Variants in SAP130 observed in about 807,000 individuals in gnomAD.
The protein encoded by SAP130 is histone deacetylase complex subunit SAP130.
Under a neutral mutation model 103.2 loss-of-function variants are expected in SAP130, and 16 were observed. The ratio of observed to expected loss-of-function variants is 0.16; its 90% confidence interval spans 0.10 to 0.24. The LOEUF is 0.24. Ranked by LOEUF, SAP130 falls within the 10% of genes least tolerant of loss-of-function variation. The pLI is 1.00. For synonymous variants in SAP130, 477 were observed against 497.0 expected (o/e 0.96, Z 0.53); for missense variants, 990 against 1,359.7 (o/e 0.73, Z 4.28).
At chr2:127,943,322 G>C (rs1358961677) in intron 19 of SAP130, among the ~76,000 whole-genome samples, 3 of 152,214 alleles carry the variant, frequency 2.0e-5, no homozygotes, top group Non-Finnish European at 4.4e-5. Flanking sequence ...TAGGGTTATA[G>C]AAATGGCCAA....
chr2:128,006,078 G>A (rs1270232105), intron 7 of SAP130, among the ~76,000 whole-genome samples: 1 of 150,996 alleles, frequency 6.6e-6, no homozygotes, highest in Admixed American at 6.6e-5. Context: ...TAAGGCCTTT[G>A]TAAGCGGTTA....
intron 15 of SAP130, among the ~76,000 whole-genome samples, chr2:127,970,490 G>A (rs1005225266): frequency 4.2e-5 from 6 of 144,062 alleles, no homozygotes; most frequent in Admixed American, 1.4e-4. Context: ...GCAGTGAGCC[G>A]AGATCGTACC....
rs754662337 is a variant in SAP130 at position 127,986,939 on chromosome 2, T to C, written c.1804A>G (p.Thr602Ala). ...TTGCTAATAGGGTTGGCCACAATTG[T>C]GGCTCCATCTGCCAACACCACTGCT... ...TSAVVLADGA[T>A]IVANPISNPF... The change falls in exon 14 of 21, where the codon ACA (threonine) becomes GCA (alanine). Residue 602 changes from threonine to alanine, a missense_variant. By Grantham distance (58) the Thr-to-Ala change is moderately conservative. Transcript: ENST00000643581. This position sits in a 1 kb window ranked among gnomAD's most constrained non-coding sequence, Gnocchi z 4.7. The C allele has an allele frequency of 2.5e-6, 4 of 1,613,388 alleles. No individual in the cohort carries two copies. Among genetic ancestry groups the C allele is most frequent in the African/African-American group, 2.7e-5 (2 of 74,894 alleles).
intron 14 of SAP130, among the ~76,000 whole-genome samples, chr2:127,982,170 CAAAA>C (rs561436701): frequency 1.4e-5 from 2 of 140,180 alleles, no homozygotes; most frequent in Non-Finnish European, 3.1e-5. Flanking sequence ...CAAAGAAGAG[CAAAA>C]AAAAAAAATT....
intron 2 of SAP130, among the ~76,000 whole-genome samples, chr2:128,021,187 G>A (rs916401459): frequency 5.3e-5 from 8 of 152,222 alleles, no homozygotes; most frequent in African/African-American, 1.9e-4. Flanking sequence ...GGTGGCTCAA[G>A]CCTGTAATCC....
rs918333050 is a variant in SAP130, at chr2:127,950,382, C to A, written c.2449G>T (p.Val817Leu). 6.2e-7 allele frequency: 1 copy of A among 1,614,082 alleles called. No individual in the cohort carries two copies. Among genetic ancestry groups the A allele is most frequent in the African/African-American group, 1.3e-5 (1 of 74,930 alleles). The change falls in exon 17 of 21, where the codon GTG becomes TTG. Residue 817 changes from valine to leucine, a missense_variant. Transcript: ENST00000643581. ...SAVPPLATNTVSPSLALLANN... is the reference protein window; with the variant it reads ...SAVPPLATNTLSPSLALLANN... ...GCCAGCAATGCAAGAGATGGAGACA[C>A]AGTGTTGGTAGCCAGTGGAGGAACT... is the stretch of plus-strand genomic sequence containing the variant.
chr2:127,982,998 A>G (rs1456761330), intron 14 of SAP130, among the ~76,000 whole-genome samples: 1 of 152,196 alleles, frequency 6.6e-6, no homozygotes, highest in Non-Finnish European at 1.5e-5. Context: ...CTAAGTGCCC[A>G]AACTGGTGGG....
intron 19 of SAP130, among the ~76,000 whole-genome samples, chr2:127,944,070 T>C (rs1678894053): frequency 6.6e-6 from 1 of 152,220 alleles, no homozygotes; most frequent in Non-Finnish European, 1.5e-5. Flanking sequence ...CTTACTCTGT[T>C]ATCCAGGATG....
intron 15 of SAP130, among the ~76,000 whole-genome samples, chr2:127,972,200 T>C (rs542611049): frequency 1.3e-5 from 2 of 152,342 alleles, no homozygotes; most frequent in African/African-American, 2.4e-5. Context: ...CTGCTCACCC[T>C]ATTTCTGCAC....
intron 2 of SAP130, among the ~76,000 whole-genome samples, chr2:128,018,497 A>AG (rs1456537218): frequency 6.7e-6 from 1 of 150,252 alleles, no homozygotes; most frequent in East Asian, 1.9e-4. Context: ...AAAAAAAAAA[A>AG]AAAAAAAAAG....
intron 2 of SAP130, among the ~76,000 whole-genome samples, chr2:128,018,482 C>CTAAAAAAAAAAAAA (rs1684931916): frequency 1.7e-5 from 1 of 57,230 alleles, no homozygotes; most frequent in African/African-American, 1.9e-4. Context: ...AAGATTGTCT[C>CTAAAAAAAAAAAAA]CAAAAAAAAA....
chr2:127,993,335 CAAAAT>C, intron 11 of SAP130, 27 bp from the exon 12 acceptor site: 1 of 1,578,048 alleles, frequency 6.3e-7, no homozygotes, highest in South Asian at 1.2e-5. Flanking sequence ...TGATAGCAAA[CAAAAT>C]AGTCATTTTC....
intron 3 of SAP130, among the ~76,000 whole-genome samples, chr2:128,016,877 T>C (rs527960436): frequency 9.2e-5 from 14 of 152,312 alleles, no homozygotes; most frequent in African/African-American, 3.1e-4. Flanking sequence ...TTTGGGTGGA[T>C]TGAACAAAAC....
At chr2:127,995,946 C>G (rs1426571122) in intron 11 of SAP130, among the ~76,000 whole-genome samples, 1 of 152,188 alleles carries the variant, frequency 6.6e-6, no homozygotes, top group African/African-American at 2.4e-5. Flanking sequence ...TCTCCACACT[C>G]TTTAAAAATA....
At chr2:127,966,155 A>G (rs1468973120) in intron 15 of SAP130, among the ~76,000 whole-genome samples, 1 of 151,776 alleles carries the variant, frequency 6.6e-6, no homozygotes, top group African/African-American at 2.4e-5. Context: ...AGCCTGACCA[A>G]CATGGTGAAA....
At chr2:128,012,794 CCTTCA>C (rs921204976) in intron 6 of SAP130, among the ~76,000 whole-genome samples, 7 of 151,654 alleles carry the variant, frequency 4.6e-5, no homozygotes, top group African/African-American at 1.7e-4. Flanking sequence ...TTCATTTCCC[CCTTCA>C]CTTCCTCTTC....
chr2:128,012,705 A>G (rs1310868337), intron 6 of SAP130, among the ~76,000 whole-genome samples: 2 of 151,710 alleles, frequency 1.3e-5, no homozygotes, highest in Non-Finnish European at 2.9e-5. Flanking sequence ...AGATCCCCCC[A>G]ATCCAAATTA....
At chr2:128,024,895 T>A (rs1439703825) in intron 2 of SAP130, among the ~76,000 whole-genome samples, 1 of 137,938 alleles carries the variant, frequency 7.2e-6, no homozygotes, top group Admixed American at 7.6e-5. Flanking sequence ...ATTAAAAAAA[T>A]AAAAAATAAA....
intron 11 of SAP130, among the ~76,000 whole-genome samples, chr2:127,995,552 G>T (rs1405652201): frequency 6.6e-6 from 1 of 152,162 alleles, no homozygotes; most frequent in Admixed American, 6.5e-5. Context: ...GTTTCTTTAC[G>T]TCAGAATGCC....
Sources: gnomAD v4.1 joint callset for allele counts (sites outside exome capture counted in the v4.1 genomes callset) on GRCh38, gnomAD v4.1.1 for gene constraint, Gnocchi (gnomAD v3.1) non-coding constraint, MANE v1.5 for transcripts, NCBI Gene and HGNC (gene_info 2026-07-23, HGNC 2026-07-21) for gene names.